ZBED4: variants seen among roughly 807,000 people sequenced by gnomAD.
ZBED4 encodes zinc finger BED domain-containing protein 4.
Under a neutral mutation model 15.5 loss-of-function variants are expected in ZBED4, and 4 were observed. The observed-to-expected ratio is 0.26, with a 90% CI of 0.13 to 0.59. The LOEUF (loss-of-function observed/expected upper bound fraction) is 0.59. Ranked by LOEUF, ZBED4 falls within the 20% of genes least tolerant of loss-of-function variation. ZBED4 has a pLI of 0.90. For missense variants in ZBED4, 1,323 were observed against 1,461.8 expected (o/e 0.91, Z 1.55); for synonymous variants, 692 against 608.5 (o/e 1.14, Z -2.02).
At chr22:49,873,509 C>A (rs1467350131) in intron 1 of ZBED4, among the ~76,000 whole-genome samples, 2 of 152,098 alleles carry the variant, frequency 1.3e-5, no homozygotes, top group Non-Finnish European at 2.9e-5. Context: ...ATAACAGATA[C>A]CATGATAATG....
At chr22:49,875,297 A>G (rs2060370346) in intron 1 of ZBED4, among the ~76,000 whole-genome samples, 1 of 151,902 alleles carries the variant, frequency 6.6e-6, no homozygotes, top group African/African-American at 2.4e-5. Context: ...TCTCTGTGGG[A>G]AGGTTTTTCA....
In ZBED4 at chr22:49,889,722, C is replaced by A. The variant is rs567485232; in HGVS notation, c.*2544C>A. On this transcript the variant is annotated 3_prime_UTR_variant, in exon 2 of 2. Transcript: ENST00000216268. ...TCTCTGCCCTCCAGTTGCTGACAGTCCTGCAGGAAGATGGACAAGAGGCCC... is the reference window on the plus strand; with the variant it reads ...TCTCTGCCCTCCAGTTGCTGACAGTACTGCAGGAAGATGGACAAGAGGCCC... 2.4e-5 allele frequency: 4 copies of A among 167,216 alleles called. No homozygotes were observed. The highest frequency in any genetic ancestry group is 4.8e-5 in the African/African-American group (2 of 41,438). 10.4% of individuals were successfully genotyped at this position (167,216 alleles called of 1,614,324 possible).
chr22:49,866,311 T>C lies in ZBED4; in HGVS notation c.-330+12322T>C, dbSNP rs184558669. ...CTGTTTCTGGGGTGGCTGTTCTGATTGTACATATGTTGGATCTTCTTTACG... is the reference window on the plus strand; with the variant it reads ...CTGTTTCTGGGGTGGCTGTTCTGATCGTACATATGTTGGATCTTCTTTACG... On this transcript the variant is annotated intron_variant, in intron 1 of 1. Coordinates refer to ENST00000216268, the MANE Select transcript of ZBED4 (RefSeq NM_014838.3). Among the ~76,000 whole-genome samples the C allele has an allele frequency of 2.0e-3, 304 of 152,282 alleles. 2 individuals are homozygous for C. The highest frequency in any genetic ancestry group is 0.014 in the Middle Eastern group (4 of 294).
intron 1 of ZBED4, among the ~76,000 whole-genome samples, chr22:49,854,928 GT>G (rs1228030650): frequency 1.3e-5 from 2 of 152,176 alleles, no homozygotes; most frequent in Non-Finnish European, 2.9e-5. Context: ...ACACAGAAAT[GT>G]TTTTTATTTT....
intron 1 of ZBED4, among the ~76,000 whole-genome samples, chr22:49,865,534 G>T (rs544258728): frequency 6.6e-6 from 1 of 152,120 alleles, no homozygotes; most frequent in African/African-American, 2.4e-5. Context: ...TAAAATACAG[G>T]TGTGGTGGCA....
chr22:49,878,176 G>C (rs950026427), intron 1 of ZBED4, among the ~76,000 whole-genome samples: 2 of 151,846 alleles, frequency 1.3e-5, no homozygotes, highest in African/African-American at 4.8e-5. Flanking sequence ...GTGGTGACAG[G>C]CACCTGTAAT....
At chr22:49,863,968 C>G (rs559014509) in intron 1 of ZBED4, among the ~76,000 whole-genome samples, 8 of 152,318 alleles carry the variant, frequency 5.3e-5, no homozygotes, top group African/African-American at 1.9e-4. Context: ...TGAACTCTCT[C>G]AGAGGTTTCT....
At position 49,865,106 on chromosome 22, in the gene ZBED4, G is replaced by T. The variant is rs1187100431; in HGVS notation, c.-330+11117G>T. 2.6e-5 allele frequency among the ~76,000 whole-genome samples: 4 copies of T among 152,036 alleles called. No individual in the cohort carries two copies. In the South Asian group the frequency reaches 6.2e-4, roughly 24 times the overall value. ...TGCGTTACTCAGCGATGTTGTCGTT[G>T]TGTGAACCTCATAGAGTGCACCTAC... On this transcript the variant is annotated intron_variant, in intron 1 of 1. Transcript: ENST00000216268.
chr22:49,865,967 C>G (rs1166544233), intron 1 of ZBED4, among the ~76,000 whole-genome samples: 1 of 152,008 alleles, frequency 6.6e-6, no homozygotes, highest in Non-Finnish European at 1.5e-5. Flanking sequence ...CCGCCTCCAC[C>G]TCCCGATGCT....
intron 1 of ZBED4, among the ~76,000 whole-genome samples, chr22:49,858,040 T>C (rs1173615097): frequency 6.6e-6 from 1 of 152,128 alleles, no homozygotes; most frequent in African/African-American, 2.4e-5. Context: ...AGGACAGGAC[T>C]ACAGGCGTGA....
At chr22:49,874,388 AT>A (rs539781070) in intron 1 of ZBED4, among the ~76,000 whole-genome samples, 2,992 of 142,922 alleles carry the variant, frequency 0.021, 28 homozygotes, top group African/African-American at 0.035. Context: ...TATTGTTTTA[AT>A]TTTTTTTTTT....
chr22:49,874,981 C>G (rs2060368664), intron 1 of ZBED4, among the ~76,000 whole-genome samples: 1 of 152,102 alleles, frequency 6.6e-6, no homozygotes, highest in Admixed American at 6.6e-5. Context: ...CTGCACCCGG[C>G]CTGTTTTAAT....
intron 1 of ZBED4, among the ~76,000 whole-genome samples, chr22:49,872,906 C>T (rs533291456): frequency 2.0e-5 from 3 of 152,222 alleles, no homozygotes; most frequent in African/African-American, 7.2e-5. Flanking sequence ...CCATGTTAGC[C>T]AGGATGGTCT....
intron 1 of ZBED4, among the ~76,000 whole-genome samples, chr22:49,855,581 G>A (rs2060271835): frequency 6.6e-6 from 1 of 151,590 alleles, no homozygotes. Context: ...TTTAGCGAAA[G>A]GTGTGTGTGT....
intron 1 of ZBED4, among the ~76,000 whole-genome samples, chr22:49,859,131 G>GCAGC (rs2060286877): frequency 6.6e-6 from 1 of 152,086 alleles, no homozygotes; most frequent in Non-Finnish European, 1.5e-5. Flanking sequence ...GAACCTGTGG[G>GCAGC]CAGTGGCACC....
intron 1 of ZBED4, among the ~76,000 whole-genome samples, chr22:49,857,653 A>G (rs1032119064): frequency 6.6e-6 from 1 of 152,142 alleles, no homozygotes; most frequent in African/African-American, 2.4e-5. Flanking sequence ...GTGCAGTGTT[A>G]CAATCTCGGC....
chr22:49,887,102 C>A lies in ZBED4; in HGVS notation c.3440C>A (p.Ser1147Tyr). Residue 1147 changes from serine to tyrosine, a missense_variant, in exon 2 of 2, where the codon TCC becomes TAC. Ser to Tyr is a moderately radical substitution (Grantham distance 144, BLOSUM62 -2). Around this residue, in one of 6 missense-constraint regions of ZBED4, gnomAD observed 312 missense variants for 410.7 expected, o/e 0.76. Transcript: ENST00000216268. ...ACTGAGAACGGTAGCCTTGGCCAAT[C>A]CAGGCTCATGATGGAACATTTTGAA... is the stretch of plus-strand genomic sequence containing the variant. ...TPTENGSLGQ[S>Y]RLMMEHFEKL... The A allele has an allele frequency of 6.2e-7, 1 of 1,614,068 alleles. No homozygotes were observed. The highest frequency in any genetic ancestry group is 8.5e-7 in the Non-Finnish European group (1 of 1,180,006).
chr22:49,875,568 G>A lies in ZBED4; in HGVS notation c.-329-7766G>A, dbSNP rs552796742. On this transcript the variant is annotated intron_variant, in intron 1 of 1. Transcript: ENST00000216268. ...CTCAGGTAGCTGGGGTTACAGGTGC[G>A]CACCACCACGCCCGGCTAATTTTTG... Among the ~76,000 whole-genome samples the A allele has an allele frequency of 2.9e-4, 44 of 151,766 alleles. No individual in the cohort carries two copies. In the East Asian group the frequency reaches 5.6e-3, roughly 19 times the overall value.
intron 1 of ZBED4, among the ~76,000 whole-genome samples, chr22:49,866,279 TCC>T (rs2060322211): frequency 6.6e-6 from 1 of 152,220 alleles, no homozygotes; most frequent in South Asian, 2.1e-4. Flanking sequence ...TCTTGCCCTG[TCC>T]CCTCCTGTTT....
Sources: allele counts gnomAD v4.1 joint callset (sites outside exome capture counted in the v4.1 genomes callset), GRCh38; gene constraint gnomAD v4.1.1; regional missense constraint gnomAD v4.1.1; transcripts MANE v1.5; gene names NCBI Gene and HGNC (gene_info 2026-07-23, HGNC 2026-07-21).